The following DGKH variants were observed in gnomAD, a reference collection of about 807,000 sequenced individuals.
DGKH encodes DAG kinase eta.
Under a neutral mutation model 159.3 loss-of-function variants are expected in DGKH, and 90 were observed. The ratio of observed to expected loss-of-function variants is 0.57; its 90% CI spans 0.48 to 0.67. The LOEUF (loss-of-function observed/expected upper bound fraction) is 0.67, where lower values mean the gene tolerates loss of function less well. DGKH is among the 30% of genes least tolerant of loss of function. DGKH has a pLI of 0.00. For missense variants in DGKH, 1,181 were observed against 1,506.1 expected, an observed-to-expected ratio of 0.78 and a Z score of 3.57; for synonymous variants, 536 against 553.8, an observed-to-expected ratio of 0.97 and a Z score of 0.45.
At chr13:42,147,558 T>C (rs1955767856) in intron 3 of DGKH, among the ~76,000 whole-genome samples, 1 of 152,232 alleles carries the variant, frequency 6.6e-6, no homozygotes, top group Non-Finnish European at 1.5e-5. Flanking sequence ...TTTACCGTTA[T>C]AAACTAAAAG....
chr13:42,253,116 G>A (rs1406031228), intron 30 of DGKH, among the ~76,000 whole-genome samples: 1 of 152,120 alleles, frequency 6.6e-6, no homozygotes, highest in Non-Finnish European at 1.5e-5. Context: ...GTGTGGCATG[G>A]GTTAATTTCT....
chr13:42,213,081 C>A (rs1957698405), intron 24 of DGKH, among the ~76,000 whole-genome samples: 1 of 152,104 alleles, frequency 6.6e-6, no homozygotes, highest in South Asian at 2.1e-4. Flanking sequence ...GGAGCCAGAT[C>A]TTTACTGGGC....
At chr13:42,148,264 G>A (rs185696078) in intron 3 of DGKH, among the ~76,000 whole-genome samples, 1 of 152,012 alleles carries the variant, frequency 6.6e-6, no homozygotes, top group African/African-American at 2.4e-5. Context: ...TGATATACCT[G>A]GCCTGTTATA....
intron 1 of DGKH, among the ~76,000 whole-genome samples, chr13:42,052,069 A>G (rs1030087572): frequency 1.3e-5 from 2 of 152,176 alleles, no homozygotes; most frequent in African/African-American, 4.8e-5. Context: ...TCAATCTAAT[A>G]TGTCATCATT....
chr13:42,155,474 A>C, intron 4 of DGKH, 79 bp downstream of exon 4: 2 of 1,495,266 alleles, frequency 1.3e-6, no homozygotes. Context: ...TACCGTGCAA[A>C]CATAAGTATG....
Position 42,171,522 on chromosome 13 carries a change from G to T in DGKH, c.1368-2538G>T, listed in dbSNP as rs184600516. On this transcript the variant is annotated intron_variant, in intron 11 of 29. Transcript: ENST00000337343. Reference sequence around the variant, plus strand: ...AGTGGGGAGGTATAGCATGGAGGGTGCAAGGAACTCAGACATTTGGATGGA... The same window carrying T: ...AGTGGGGAGGTATAGCATGGAGGGTTCAAGGAACTCAGACATTTGGATGGA... Among the ~76,000 whole-genome samples the T allele has an allele frequency of 1.2e-4, 18 of 152,320 alleles. No individual in the cohort carries two copies. The East Asian group carries it at 1.9e-3, about 16-fold the overall frequency.
At chr13:42,138,902 A>AT (rs1955466382) in intron 3 of DGKH, among the ~76,000 whole-genome samples, 1 of 152,176 alleles carries the variant, frequency 6.6e-6, no homozygotes, top group Admixed American at 6.5e-5. Flanking sequence ...TTTAAAACTG[A>AT]TTTAAGTACA....
intron 1 of DGKH, chr13:42,066,051 C>T (rs1023426592): frequency 1.3e-5 from 2 of 152,200 alleles, no homozygotes; most frequent in African/African-American, 4.8e-5. Context: ...GCGTGTACCA[C>T]AATGCCTGAC....
At chr13:42,114,886 C>A (rs1261704975) in intron 1 of DGKH, among the ~76,000 whole-genome samples, 10 of 152,204 alleles carry the variant, frequency 6.6e-5, no homozygotes, top group African/African-American at 2.4e-4. Context: ...ACTAAAAACA[C>A]CTTTTTCCCC....
chr13:42,143,391 T>G (rs1455167740), intron 3 of DGKH, among the ~76,000 whole-genome samples: 19 of 152,198 alleles, frequency 1.2e-4, no homozygotes. Context: ...CAGGCTTTAG[T>G]ATCAGGATGA....
In DGKH at chr13:42,148,135, T is replaced by C. The variant is rs78164462; in HGVS notation, c.385-7156T>C. Among the ~76,000 whole-genome samples, 37 of 152,306 alleles carry C rather than the reference T, an allele frequency of 2.4e-4. 1 individual carries two copies. The highest frequency in any genetic ancestry group is 6.5e-4 in the African/African-American group (27 of 41,574). ...AGATGGCTAGGGAGGAAGGCAGATATAGTTTCAAATCTTACCTACACATCG... is the reference window on the plus strand; with the variant it reads ...AGATGGCTAGGGAGGAAGGCAGATACAGTTTCAAATCTTACCTACACATCG... On this transcript the variant is annotated intron_variant, in intron 3 of 29. Coordinates refer to ENST00000337343, the MANE Select transcript of DGKH (RefSeq NM_178009.5).
chr13:42,133,170 C>CAAA (rs34669948), intron 3 of DGKH, among the ~76,000 whole-genome samples: 2 of 141,784 alleles, frequency 1.4e-5, no homozygotes, highest in African/African-American at 2.6e-5. Context: ...GACTTTGTCT[C>CAAA]AAAAAAAAAA....
chr13:42,209,307 C>T, intron 22 of DGKH, 24 bp from the exon 23 acceptor site: 1 of 1,595,860 alleles, frequency 6.3e-7, no homozygotes, highest in South Asian at 1.2e-5. Context: ...GATTTGTACT[C>T]TAAAATGATT....
In DGKH at chr13:42,229,314, T is replaced by C; in HGVS notation, c.*126T>C. On this transcript the variant is annotated 3_prime_UTR_variant, in exon 30 of 30. Coordinates refer to ENST00000337343, the MANE Select transcript of DGKH (RefSeq NM_178009.5). ...GCACCACTGAAGCACCTCTGTGGCTTGATATTTTGCTGTGGGTGAAATTTT... is the reference window on the plus strand; with the variant it reads ...GCACCACTGAAGCACCTCTGTGGCTCGATATTTTGCTGTGGGTGAAATTTT... The C allele has an allele frequency of 1.3e-6, 1 of 783,690 alleles. No homozygotes were observed. Among genetic ancestry groups the C allele is most frequent in the Non-Finnish European group, 2.0e-6 (1 of 501,466 alleles). The allele number at this position is 783,690 out of a possible 1,614,324, so 48.5% of individuals were successfully genotyped here. A position where few individuals can be genotyped will look rare whatever the true frequency, so the allele number is the denominator to read the frequency against.
chr13:42,067,942 C>A (rs563144418), intron 1 of DGKH, among the ~76,000 whole-genome samples: 32 of 151,936 alleles, frequency 2.1e-4, no homozygotes, highest in Non-Finnish European at 3.2e-4. Context: ...TAATGATGTA[C>A]CTTAATTACT....
In DGKH at chr13:42,121,066, T is replaced by TACACACACACACAA. The variant is rs1555262944; in HGVS notation, c.193-6384_193-6383insAACACACACACACA. Among the ~76,000 whole-genome samples, 435 of 144,830 alleles carry TACACACACACACAA rather than the reference T, an allele frequency of 3.0e-3. 4 individuals carry two copies. The highest frequency in any genetic ancestry group is 9.8e-3 in the African/African-American group (392 of 39,864). On this transcript the variant is annotated intron_variant, in intron 1 of 29. Coordinates refer to ENST00000337343, the MANE Select transcript of DGKH (RefSeq NM_178009.5). ...TCTATGAAAGTAATAATATATATTA[T>TACACACACACACAA]ACACACACACACACACACACACACA...
intron 29 of DGKH, among the ~76,000 whole-genome samples, chr13:42,222,660 C>A (rs1419055698): frequency 6.6e-6 from 1 of 152,088 alleles, no homozygotes; most frequent in African/African-American, 2.4e-5. Context: ...TTGGCAGATA[C>A]CAATATTTAT....
intron 1 of DGKH, among the ~76,000 whole-genome samples, chr13:42,122,235 A>G (rs941118653): frequency 6.6e-6 from 1 of 152,210 alleles, no homozygotes; most frequent in Non-Finnish European, 1.5e-5. Context: ...GCTTCTCATT[A>G]TGCCACATAA....
At chr13:42,255,031 G>C (rs559920173) in intron 30 of DGKH, among the ~76,000 whole-genome samples, 14 of 151,470 alleles carry the variant, frequency 9.2e-5, no homozygotes, top group Non-Finnish European at 2.9e-5. Context: ...TATATATTGG[G>C]GTAAATAAAA....
Sources: allele counts gnomAD v4.1 joint callset (sites outside exome capture counted in the v4.1 genomes callset), GRCh38; gene constraint gnomAD v4.1.1; transcripts MANE v1.5; gene names NCBI Gene and HGNC (gene_info 2026-07-23, HGNC 2026-07-21).